Variants in PDE1A observed in about 807,000 individuals in gnomAD.
PDE1A encodes the protein phosphodiesterase 1A, also known as dual specificity calcium/calmodulin-dependent 3',5'-cyclic nucleotide phosphodiesterase 1A.
PDE1A carries 35 observed loss-of-function variants against 61.7 expected under a neutral mutation model. The ratio of observed to expected loss-of-function variants is 0.57; its 90% CI spans 0.43 to 0.75. The LOEUF is 0.75. Among genes scored for constraint, PDE1A ranks in the 30% least tolerant of loss-of-function variants. The probability of loss-of-function intolerance (pLI) is 0.00; values close to 1 mark genes in which losing one functional copy is unlikely to be tolerated. For missense variants in PDE1A, 597 were observed against 630.6 expected (o/e 0.95, Z 0.57); for synonymous variants, 232 against 213.2 (o/e 1.09, Z -0.77).
At chr2:182,626,084 G>A in the PDE1A span, among the ~76,000 whole-genome samples, 1 of 152,218 alleles carries the variant, frequency 6.6e-6, no homozygotes, top group African/African-American at 2.4e-5. Context: ...TGCTGCCTTT[G>A]AAATCTGCAG....
the PDE1A span, among the ~76,000 whole-genome samples, chr2:182,661,253 C>T: frequency 2.0e-5 from 3 of 152,170 alleles, no homozygotes; most frequent in South Asian, 6.2e-4. Context: ...GATGCTACAC[C>T]AGATTGCAAA....
chr2:182,552,267 A>G, the PDE1A span, among the ~76,000 whole-genome samples: 1 of 152,050 alleles, frequency 6.6e-6, no homozygotes, highest in Non-Finnish European at 1.5e-5. Flanking sequence ...AGGGAGAAAA[A>G]TAGATTCTAA....
the PDE1A span, among the ~76,000 whole-genome samples, chr2:182,653,168 T>A: frequency 1.3e-5 from 2 of 152,192 alleles, no homozygotes; most frequent in African/African-American, 4.8e-5. Flanking sequence ...CTTACCATAT[T>A]GCTGAGTGCA....
chr2:182,590,721 T>C, the PDE1A span, among the ~76,000 whole-genome samples: 42 of 152,338 alleles, frequency 2.8e-4, 1 homozygote, highest in African/African-American at 9.9e-4. Flanking sequence ...AGATATTTTA[T>C]ATGCAAAGAT....
chr2:182,313,887 A>G (rs961467545), intron 1 of PDE1A, among the ~76,000 whole-genome samples: 5 of 152,200 alleles, frequency 3.3e-5, no homozygotes, highest in Admixed American at 6.5e-5. Context: ...AAGACTGGGA[A>G]TACCTAGTGC....
intron 13 of PDE1A, among the ~76,000 whole-genome samples, chr2:182,155,221 G>A (rs115823014): frequency 0.014 from 2,094 of 151,482 alleles, 41 homozygotes; most frequent in African/African-American, 0.048. Flanking sequence ...CCAAGTAGCT[G>A]GAACTACACA....
chr2:182,166,258 T>C (rs1218193877), downstream of PDE1A, among the ~76,000 whole-genome samples: 1 of 152,074 alleles, frequency 6.6e-6, no homozygotes, highest in Non-Finnish European at 1.5e-5. Flanking sequence ...GTCAGTGGGC[T>C]GAGAGAGAAA....
chr2:182,549,510 A>G, the PDE1A span, among the ~76,000 whole-genome samples: 1 of 152,228 alleles, frequency 6.6e-6, no homozygotes, highest in East Asian at 1.9e-4. Context: ...ATTAGGAAAT[A>G]TGACTTGCAG....
intron 1 of PDE1A, among the ~76,000 whole-genome samples, chr2:182,377,701 G>C (rs1256468431): frequency 6.6e-6 from 1 of 152,122 alleles, no homozygotes; most frequent in Non-Finnish European, 1.5e-5. Context: ...CAAGAGAAAT[G>C]AAAATATGTG....
In PDE1A at chr2:182,212,667, G is replaced by A. The variant is rs547452742; in HGVS notation, c.777-6602C>T. Among the ~76,000 whole-genome samples, 3 of 151,970 alleles carry A rather than the reference G, an allele frequency of 2.0e-5. No homozygotes were observed. The East Asian group carries it at 5.8e-4, about 30-fold the overall frequency. On this transcript the variant is annotated intron_variant, in intron 7 of 13. Coordinates refer to ENST00000351439, the Ensembl canonical transcript of PDE1A. ...AGAAAGGGGTGATGGACGGCACCTG[G>A]AAAATTGGGTCACTCCCACCCGAAT...
chr2:182,692,705 A>T, the PDE1A span, among the ~76,000 whole-genome samples: 4 of 148,640 alleles, frequency 2.7e-5, no homozygotes, highest in African/African-American at 7.3e-5. Flanking sequence ...TATATGTAAT[A>T]TATATAAAAG....
chr2:182,471,881 C>A (rs886609718), intron 2 of PDE1A, among the ~76,000 whole-genome samples: 11 of 151,676 alleles, frequency 7.3e-5, no homozygotes, highest in African/African-American at 2.4e-4. Context: ...CCCAAATAAT[C>A]CCATTTAAAA....
At chr2:182,652,691 C>T in the PDE1A span, among the ~76,000 whole-genome samples, 1 of 152,092 alleles carries the variant, frequency 6.6e-6, no homozygotes, top group Non-Finnish European at 1.5e-5. Flanking sequence ...AAGGTGGTGG[C>T]CTCTTCAAAA....
At chr2:182,646,017 T>G in the PDE1A span, among the ~76,000 whole-genome samples, 2 of 152,000 alleles carry the variant, frequency 1.3e-5, no homozygotes, top group Non-Finnish European at 2.9e-5. Context: ...TAACTTCCAA[T>G]AGGCTACATG....
the PDE1A span, among the ~76,000 whole-genome samples, chr2:182,674,595 C>G: frequency 6.7e-6 from 1 of 150,214 alleles, no homozygotes; most frequent in South Asian, 2.1e-4. Flanking sequence ...TATATATACC[C>G]CACCACCCCA....
At chr2:182,664,764 G>C in the PDE1A span, among the ~76,000 whole-genome samples, 6 of 152,258 alleles carry the variant, frequency 3.9e-5, no homozygotes, top group African/African-American at 1.4e-4. Context: ...TGGATCCATG[G>C]AACTTCTGGA....
chr2:182,268,450 CTT>C (rs1489147281), intron 1 of PDE1A, among the ~76,000 whole-genome samples: 1 of 151,932 alleles, frequency 6.6e-6, no homozygotes, highest in Non-Finnish European at 1.5e-5. Flanking sequence ...CAAAACCACA[CTT>C]ATATATACAT....
upstream of PDE1A, chr2:182,427,049 C>A (rs1386034265): frequency 2.0e-6 from 2 of 990,782 alleles, no homozygotes; most frequent in East Asian, 2.2e-4. Flanking sequence ...TAAGTCCCTC[C>A]CTGTCTTTAA....
intron 1 of PDE1A, among the ~76,000 whole-genome samples, chr2:182,344,884 C>T (rs957845836): frequency 1.3e-5 from 2 of 151,906 alleles, no homozygotes; most frequent in African/African-American, 4.8e-5. Context: ...GAAGCCCCTG[C>T]AGAAAAAAAG....
Sources: gnomAD v4.1 joint callset for allele counts (sites outside exome capture counted in the v4.1 genomes callset) on GRCh38, gnomAD v4.1.1 for gene constraint, MANE v1.5 for transcripts, NCBI Gene and HGNC (gene_info 2026-07-23, HGNC 2026-07-21) for gene names.